The following MLIP variants were observed in gnomAD, a reference collection of about 807,000 sequenced individuals.
MLIP encodes the protein muscular LMNA interacting protein, also known as muscular LMNA-interacting protein.
In MLIP, 79 loss-of-function variants were observed where a neutral mutation model predicts 84.8. The ratio of observed to expected loss-of-function variants is 0.93; its 90% CI spans 0.78 to 1.12. MLIP has a LOEUF of 1.12. MLIP is among the 50% of genes most tolerant of loss of function. The pLI is 0.00. For synonymous variants in MLIP, 504 were observed against 463.0 expected, an observed-to-expected ratio of 1.09 and a Z score of -1.14; for missense variants, 1,257 against 1,160.6, an observed-to-expected ratio of 1.08 and a Z score of -1.21.
intron 1 of MLIP, among the ~76,000 whole-genome samples, chr6:54,088,102 C>T (rs1394577516): frequency 6.6e-6 from 1 of 152,160 alleles, no homozygotes; most frequent in African/African-American, 2.4e-5. Flanking sequence ...GTTTTCCAAA[C>T]TTGACACATT....
At chr6:54,083,700 C>T in intron 1 of MLIP, 2 of 1,426,670 alleles carry the variant, frequency 1.4e-6, no homozygotes, top group Non-Finnish European at 1.9e-6. Flanking sequence ...TGTGTACTGT[C>T]TTTGTATTTC....
At chr6:54,244,971 C>T (rs1174272233) in intron 12 of MLIP, among the ~76,000 whole-genome samples, 1 of 152,132 alleles carries the variant, frequency 6.6e-6, no homozygotes, top group Non-Finnish European at 1.5e-5. Flanking sequence ...CAGTTTTATA[C>T]TTTGAGAAAC....
At chr6:54,125,047 TA>T (rs1288388109) in intron 3 of MLIP, among the ~76,000 whole-genome samples, 182 bp downstream of exon 3, 1 of 152,184 alleles carries the variant, frequency 6.6e-6, no homozygotes, top group African/African-American at 2.4e-5. Context: ...AATAAATATA[TA>T]AGATAAAAAG....
upstream of MLIP, among the ~76,000 whole-genome samples, chr6:54,108,972 C>T (rs10948798): frequency 0.39 from 58,759 of 151,222 alleles, 11,916 homozygotes; most frequent in African/African-American, 0.5. Flanking sequence ...TAGAACTTTG[C>T]GATAAGAGTG....
chr6:54,136,984 A>G lies in MLIP; in HGVS notation c.915A>G (p.Leu305=), dbSNP rs1771856865. The G allele has an allele frequency of 6.5e-7, 1 of 1,535,946 alleles. No individual in the cohort carries two copies. The highest frequency in any genetic ancestry group is 8.7e-7 in the Non-Finnish European group (1 of 1,146,836). The change falls in exon 4 of 14, where the codon CTA becomes CTG. Residue 305 remains leucine, a synonymous_variant. Coordinates refer to ENST00000502396, the MANE Select transcript of MLIP (RefSeq NM_001281747.2). ...TACTGTTTCCCCATTCCACTCAACT[A>G]TCAGGTTCTAATTTACCCAGTTCAA... ...STLLFPHSTQ[L]SGSNLPSSTA...
chr6:54,111,810 A>AC (rs1027387837), intron 1 of MLIP, among the ~76,000 whole-genome samples: 21 of 152,182 alleles, frequency 1.4e-4, no homozygotes, highest in Admixed American at 1.3e-3. Flanking sequence ...AATGTAAGAT[A>AC]CCCTGTAATG....
intron 1 of MLIP, among the ~76,000 whole-genome samples, chr6:54,115,520 G>C (rs939680990): frequency 6.6e-6 from 1 of 152,210 alleles, no homozygotes; most frequent in South Asian, 2.1e-4. Flanking sequence ...GCAGCTATTG[G>C]GCAAGGCTAG....
At chr6:54,253,815 A>C (rs1197846892) in intron 12 of MLIP, among the ~76,000 whole-genome samples, 1 of 152,164 alleles carries the variant, frequency 6.6e-6, no homozygotes, top group Admixed American at 6.6e-5. Context: ...TTTATCCAAC[A>C]GTGGTGAGTG....
chr6:54,139,591 CA>C (rs1285943286), intron 4 of MLIP, among the ~76,000 whole-genome samples: 1 of 152,034 alleles, frequency 6.6e-6, no homozygotes. Context: ...TGCTAGTATA[CA>C]AAATAGTTGA....
intron 1 of MLIP, among the ~76,000 whole-genome samples, chr6:54,090,350 T>C (rs547268369): frequency 1.7e-4 from 26 of 152,036 alleles, no homozygotes; most frequent in Non-Finnish European, 2.8e-4. Context: ...AAGTGGAAGA[T>C]ACTTACTTTG....
chr6:54,195,584 G>T (rs1175199048), intron 10 of MLIP, among the ~76,000 whole-genome samples: 1 of 152,060 alleles, frequency 6.6e-6, no homozygotes, highest in African/African-American at 2.4e-5. Flanking sequence ...AGTTCCAAAG[G>T]ATGGAAATAG....
At chr6:54,186,327 T>C (rs1777390087) in intron 9 of MLIP, among the ~76,000 whole-genome samples, 3 of 152,230 alleles carry the variant, frequency 2.0e-5, no homozygotes, top group Admixed American at 2.0e-4. Flanking sequence ...TATTCATCTG[T>C]ATGCTGACCA....
intron 1 of MLIP, among the ~76,000 whole-genome samples, chr6:54,114,548 A>G (rs566351985): frequency 6.6e-6 from 1 of 152,340 alleles, no homozygotes; most frequent in South Asian, 2.1e-4. Flanking sequence ...CAGAATCTTA[A>G]CAGTTCTTAC....
Position 54,080,771 on chromosome 6 carries a change from C to T in MLIP, c.64-40676C>T, listed in dbSNP as rs1443867525. ...AATACACTATATAAATATTATATATCTGTGTCTACATATGTATATACATAT... is the reference window on the plus strand; with the variant it reads ...AATACACTATATAAATATTATATATTTGTGTCTACATATGTATATACATAT... On this transcript the variant is annotated intron_variant, in intron 1 of 12. Coordinates refer to the MLIP transcript ENST00000274897. 3.4e-5 allele frequency among the ~76,000 whole-genome samples: 5 copies of T among 148,618 alleles called. No individual in the cohort carries two copies. The South Asian group carries it at 1.0e-3, about 31-fold the overall frequency.
intron 8 of MLIP, among the ~76,000 whole-genome samples, chr6:54,168,822 A>C (rs969635961): frequency 6.7e-6 from 1 of 150,360 alleles, no homozygotes; most frequent in Non-Finnish European, 1.5e-5. Context: ...ATGGAGAAAA[A>C]TGGATGGTAA....
chr6:54,066,117 G>A lies in MLIP; in HGVS notation c.63+47026G>A, dbSNP rs1281086945. Among the ~76,000 whole-genome samples, 3 of 98,026 alleles carry A rather than the reference G, an allele frequency of 3.1e-5. 1 individual carries two copies. Among genetic ancestry groups the A allele is most frequent in the Non-Finnish European group, 5.8e-5 (2 of 34,318 alleles). The allele number at this position is 98,026 out of a possible 152,430, so 64.3% of individuals were successfully genotyped here. A position where few individuals can be genotyped will look rare whatever the true frequency, so the allele number is the denominator to read the frequency against. On this transcript the variant is annotated intron_variant, in intron 1 of 12. Coordinates refer to the MLIP transcript ENST00000274897. ...TCTATTGACAATTTGAACTGTTTTTGTATTTTCCTTTAAACTGCTGTTATA... is the reference window on the plus strand; with the variant it reads ...TCTATTGACAATTTGAACTGTTTTTATATTTTCCTTTAAACTGCTGTTATA...
At chr6:54,221,963 G>A (rs1780252426) in intron 11 of MLIP, among the ~76,000 whole-genome samples, 1 of 151,964 alleles carries the variant, frequency 6.6e-6, no homozygotes, top group South Asian at 2.1e-4. Context: ...AAAAGTTCCT[G>A]ACATTTGTAA....
At chr6:54,160,675 G>A in intron 7 of MLIP, 65 bp from the exon 8 acceptor site, 1 of 1,488,614 alleles carries the variant, frequency 6.7e-7, no homozygotes, top group Non-Finnish European at 9.4e-7. Flanking sequence ...TTAGTATGAT[G>A]CCTCACAGGC....
intron 1 of MLIP, among the ~76,000 whole-genome samples, chr6:54,117,466 A>G (rs1184238473): frequency 6.6e-6 from 1 of 151,110 alleles, no homozygotes; most frequent in African/African-American, 2.4e-5. Flanking sequence ...CACCCACCTC[A>G]GCCTCCCAAA....
Sources: allele counts gnomAD v4.1 joint callset (sites outside exome capture counted in the v4.1 genomes callset), GRCh38; gene constraint gnomAD v4.1.1; transcripts MANE v1.5; gene names NCBI Gene and HGNC (gene_info 2026-07-23, HGNC 2026-07-21).